Variants in PARD3B observed in about 807,000 individuals in gnomAD.
PARD3B encodes partitioning defective 3 homolog B.
A neutral mutation model predicts 130.2 loss-of-function variants in PARD3B; 103 were observed. The observed-to-expected ratio is 0.79, with a 90% confidence interval of 0.67 to 0.93. PARD3B has a LOEUF of 0.93. PARD3B is among the 40% of genes least tolerant of loss of function. PARD3B has a pLI of 0.00. For synonymous variants in PARD3B, 583 were observed against 553.2 expected (o/e 1.05, Z -0.76); for missense variants, 1,609 against 1,499.2 (o/e 1.07, Z -1.21).
At chr2:204,730,946 T>G (rs2039484308) in intron 2 of PARD3B, among the ~76,000 whole-genome samples, 1 of 152,176 alleles carries the variant, frequency 6.6e-6, no homozygotes, top group Non-Finnish European at 1.5e-5. Flanking sequence ...AATCACTCTT[T>G]GCCCAGATTT....
intron 2 of PARD3B, among the ~76,000 whole-genome samples, chr2:204,847,113 A>T (rs1427393080): frequency 4.6e-5 from 7 of 151,868 alleles, no homozygotes; most frequent in Non-Finnish European, 7.4e-5. Flanking sequence ...TATATTGTTT[A>T]GGTATGTTTG....
At chr2:205,089,151 T>G (rs79310516) in intron 4 of PARD3B, among the ~76,000 whole-genome samples, 1 of 150,128 alleles carries the variant, frequency 6.7e-6, no homozygotes, top group Admixed American at 6.6e-5. Context: ...TCTTTCTTTT[T>G]TTTTTTTCTT....
chr2:205,010,261 G>C (rs776204351), intron 3 of PARD3B, among the ~76,000 whole-genome samples: 26 of 151,998 alleles, frequency 1.7e-4, no homozygotes, highest in Non-Finnish European at 1.6e-4. Context: ...ATACCAACAT[G>C]TCCACAATAT....
intron 2 of PARD3B, among the ~76,000 whole-genome samples, chr2:204,846,295 G>A (rs2044458905): frequency 6.6e-6 from 1 of 152,008 alleles, no homozygotes. Flanking sequence ...TACCAATGGT[G>A]GGGATGGAAA....
chr2:204,678,228 G>A lies in PARD3B; in HGVS notation c.121-7953G>A, dbSNP rs925316102. On this transcript the variant is annotated intron_variant, in intron 1 of 22. Transcript: ENST00000406610. This position sits in a 1 kb window ranked among gnomAD's most constrained non-coding sequence, Gnocchi z 4.2. ...CCTGGGGCAAGTGCCTTTAGGTGCT[G>A]GCAGGACCAAACCCAGTAACCGGGC... Among the ~76,000 whole-genome samples, 4 of 152,262 alleles carry A rather than the reference G, an allele frequency of 2.6e-5. No homozygotes were observed. The highest frequency in any genetic ancestry group is 2.0e-4 in the Admixed American group (3 of 15,302).
chr2:204,985,214 T>C (rs1383764143), intron 3 of PARD3B, among the ~76,000 whole-genome samples: 1 of 152,090 alleles, frequency 6.6e-6, no homozygotes, highest in African/African-American at 2.4e-5. Flanking sequence ...TTTCCCTCCC[T>C]TTAACTATCT....
chr2:205,190,768 G>C (rs2036352105), intron 14 of PARD3B, among the ~76,000 whole-genome samples: 1 of 152,120 alleles, frequency 6.6e-6, no homozygotes. Context: ...CATCACAACA[G>C]ATCAAAGGAT....
chr2:204,997,429 A>C (rs1358251577), intron 3 of PARD3B, among the ~76,000 whole-genome samples: 1 of 152,184 alleles, frequency 6.6e-6, no homozygotes, highest in Non-Finnish European at 1.5e-5. Context: ...CCCTTCAGTA[A>C]GGGTTGATGA....
At chr2:205,355,555 C>T (rs2044161336) in intron 18 of PARD3B, among the ~76,000 whole-genome samples, 1 of 151,878 alleles carries the variant, frequency 6.6e-6, no homozygotes, top group Non-Finnish European at 1.5e-5. Context: ...CATGTTGCTT[C>T]AACTGTGTAA....
intron 2 of PARD3B, among the ~76,000 whole-genome samples, chr2:204,884,788 A>G (rs1483613303): frequency 6.6e-6 from 1 of 152,200 alleles, no homozygotes; most frequent in Non-Finnish European, 1.5e-5. Flanking sequence ...TGGTCCATCC[A>G]TGTCCCTACA....
At chr2:205,534,069 A>AAAAG (rs1553538935) in intron 21 of PARD3B, among the ~76,000 whole-genome samples, 9 of 144,792 alleles carry the variant, frequency 6.2e-5, no homozygotes, top group African/African-American at 2.6e-4. Context: ...AAAAAAAAAA[A>AAAAG]GGGACAAGAA....
At chr2:204,925,951 TC>T (rs554397260) in intron 2 of PARD3B, among the ~76,000 whole-genome samples, 2 of 152,142 alleles carry the variant, frequency 1.3e-5, no homozygotes, top group South Asian at 4.2e-4. Flanking sequence ...GCCTCCATAT[TC>T]CCCTTGCCTT....
At chr2:205,188,762 G>C (rs1367579950) in intron 14 of PARD3B, among the ~76,000 whole-genome samples, 9 of 144,998 alleles carry the variant, frequency 6.2e-5, no homozygotes, top group Admixed American at 5.6e-4. Flanking sequence ...AGCAAGAAAG[G>C]CTCTCCTGCC....
At chr2:204,620,048 C>T (rs569472297) in intron 1 of PARD3B, among the ~76,000 whole-genome samples, 1 of 152,106 alleles carries the variant, frequency 6.6e-6, no homozygotes, top group Admixed American at 6.5e-5. Context: ...GTCACCCAGG[C>T]TGGAGTGCAA....
intron 12 of PARD3B, among the ~76,000 whole-genome samples, chr2:205,175,815 G>C (rs1468222419): frequency 6.6e-6 from 1 of 152,210 alleles, no homozygotes; most frequent in Non-Finnish European, 1.5e-5. Context: ...GATCGTAGGG[G>C]TGTTACTCTG....
chr2:204,557,454 T>C (rs1422000596), intron 1 of PARD3B, among the ~76,000 whole-genome samples: 3 of 152,206 alleles, frequency 2.0e-5, no homozygotes, highest in Non-Finnish European at 4.4e-5. Context: ...TTATCTCTCT[T>C]GGATCTGCTT....
At chr2:205,398,145 A>C (rs894303560) in intron 18 of PARD3B, among the ~76,000 whole-genome samples, 2 of 151,998 alleles carry the variant, frequency 1.3e-5, no homozygotes, top group African/African-American at 4.8e-5. Flanking sequence ...CTAAAAATAC[A>C]AAAAAATTAG....
chr2:205,533,558 TA>T (rs138697991), intron 21 of PARD3B, among the ~76,000 whole-genome samples: 3,560 of 152,304 alleles, frequency 0.023, 133 homozygotes, highest in African/African-American at 0.08. Flanking sequence ...ATACAAATTT[TA>T]AAAAGTTTTT....
intron 2 of PARD3B, among the ~76,000 whole-genome samples, chr2:204,891,594 C>T (rs548756530): frequency 1.3e-5 from 2 of 152,194 alleles, no homozygotes; most frequent in East Asian, 3.9e-4. Context: ...TCTAATATTG[C>T]TTTATTAAGA....
Sources: allele counts gnomAD v4.1 joint callset (sites outside exome capture counted in the v4.1 genomes callset), GRCh38; gene constraint gnomAD v4.1.1; non-coding constraint Gnocchi (gnomAD v3.1); transcripts MANE v1.5; gene names NCBI Gene and HGNC (gene_info 2026-07-23, HGNC 2026-07-21).